BNC2: variants seen among roughly 807,000 people sequenced by gnomAD.
BNC2 encodes the protein basonuclin zinc finger protein 2, also known as zinc finger protein basonuclin-2.
Under a neutral mutation model 76.3 loss-of-function variants are expected in BNC2, and 20 were observed. The ratio of observed to expected loss-of-function variants is 0.26; its 90% CI spans 0.18 to 0.38. The LOEUF is 0.38. Among genes scored for constraint, BNC2 ranks in the 10% least tolerant of loss-of-function variants. The pLI is 1.00. For synonymous variants in BNC2, 582 were observed against 514.8 expected (o/e 1.13, Z -1.77); for missense variants, 1,382 against 1,399.8 (o/e 0.99, Z 0.20).
At chr9:16,598,559 C>T (rs953492336) in intron 3 of BNC2, among the ~76,000 whole-genome samples, 2 of 152,144 alleles carry the variant, frequency 1.3e-5, no homozygotes, top group Non-Finnish European at 2.9e-5. Flanking sequence ...CTCACCACTA[C>T]GGGGAAGAGA....
intron 3 of BNC2, among the ~76,000 whole-genome samples, chr9:16,685,385 C>G (rs143751774): frequency 1.3e-5 from 2 of 152,210 alleles, no homozygotes; most frequent in African/African-American, 4.8e-5. Context: ...ACAACGCATC[C>G]TGAAAAGGAC....
At chr9:16,675,952 C>T (rs927394887) in intron 3 of BNC2, among the ~76,000 whole-genome samples, 2 of 152,046 alleles carry the variant, frequency 1.3e-5, no homozygotes, top group Non-Finnish European at 2.9e-5. Flanking sequence ...GTAATCCCAG[C>T]TACTCAGGAG....
At chr9:16,677,241 T>G (rs1409594887) in intron 3 of BNC2, among the ~76,000 whole-genome samples, 2 of 152,164 alleles carry the variant, frequency 1.3e-5, no homozygotes, top group Non-Finnish European at 2.9e-5. Context: ...GAACTCATCT[T>G]TCTATACTAT....
At chr9:16,699,344 T>C (rs1823440459) in intron 3 of BNC2, 1 of 319,726 alleles carries the variant, frequency 3.1e-6, no homozygotes, top group Non-Finnish European at 6.1e-6. Context: ...AGTGCCTTGC[T>C]TCTGGGTTAC....
At chr9:16,653,647 T>C (rs555544475) in intron 3 of BNC2, among the ~76,000 whole-genome samples, 3 of 152,238 alleles carry the variant, frequency 2.0e-5, no homozygotes, top group African/African-American at 7.2e-5. Context: ...GAAGTGGACA[T>C]TGGCATATCT....
intron 4 of BNC2, among the ~76,000 whole-genome samples, chr9:16,555,241 T>C (rs1475923536): frequency 6.6e-6 from 1 of 151,680 alleles, no homozygotes; most frequent in East Asian, 1.9e-4. Context: ...GCCAGGATGG[T>C]CTCGATCTCC....
intron 3 of BNC2, among the ~76,000 whole-genome samples, chr9:16,658,451 C>T (rs1224508349): frequency 2.0e-5 from 3 of 152,106 alleles, no homozygotes; most frequent in Non-Finnish European, 4.4e-5. Flanking sequence ...CACACATTAC[C>T]CTGGTCAAAT....
intron 5 of BNC2, among the ~76,000 whole-genome samples, chr9:16,543,881 T>C (rs925326107): frequency 6.6e-6 from 1 of 152,140 alleles, no homozygotes; most frequent in African/African-American, 2.4e-5. Flanking sequence ...TGTAGAGTGG[T>C]CCAAGCACTT....
chr9:16,750,494 A>G (rs1473325269), intron 1 of BNC2, among the ~76,000 whole-genome samples: 3 of 152,216 alleles, frequency 2.0e-5, no homozygotes, highest in Non-Finnish European at 4.4e-5. Context: ...GACATCATCT[A>G]TACATTTGAC....
chr9:16,673,381 T>C (rs1381021752), intron 3 of BNC2, among the ~76,000 whole-genome samples: 5 of 133,134 alleles, frequency 3.8e-5, no homozygotes, highest in Middle Eastern at 3.7e-3. Flanking sequence ...CTAGGGTGAG[T>C]AGATGAATGA....
intron 3 of BNC2, among the ~76,000 whole-genome samples, chr9:16,619,959 T>C (rs1003972516): frequency 1.3e-5 from 2 of 152,154 alleles, no homozygotes; most frequent in Non-Finnish European, 2.9e-5. Context: ...GACATACAAG[T>C]CACAGAAAAA....
chr9:16,722,713 C>T (rs1824193481), intron 3 of BNC2, among the ~76,000 whole-genome samples: 1 of 152,160 alleles, frequency 6.6e-6, no homozygotes, highest in East Asian at 1.9e-4. Flanking sequence ...AGATTTTTAA[C>T]ATATACAAAA....
At chr9:16,588,230 T>C (rs1819826981) in intron 3 of BNC2, among the ~76,000 whole-genome samples, 1 of 152,226 alleles carries the variant, frequency 6.6e-6, no homozygotes, top group South Asian at 2.1e-4. Flanking sequence ...GACAACCATT[T>C]ATGGCCACAA....
chr9:16,418,598 G>A lies in BNC2; in HGVS notation c.*391C>T, dbSNP rs1820635428. 1.7e-5 allele frequency: 3 copies of A among 172,452 alleles called. No homozygotes were observed. The highest frequency in any genetic ancestry group is 4.8e-5 in the African/African-American group (2 of 41,596). The allele number at this position is 172,452 out of a possible 1,614,324, so 10.7% of individuals were successfully genotyped here. ...TTATTTTTGCAGGCAACAGTCATGG[G>A]TACAACAAATTGTCTCTTTGGGGAA... On this transcript the variant is annotated 3_prime_UTR_variant, in exon 7 of 7. Transcript: ENST00000380672.
At chr9:16,716,435 C>A (rs1351895558) in intron 3 of BNC2, among the ~76,000 whole-genome samples, 1 of 152,096 alleles carries the variant, frequency 6.6e-6, no homozygotes, top group African/African-American at 2.4e-5. Context: ...ACACAGTCAC[C>A]ATGCACTTCT....
chr9:16,458,635 A>AT, intron 5 of BNC2, among the ~76,000 whole-genome samples: 1 of 152,332 alleles, frequency 6.6e-6, no homozygotes, highest in African/African-American at 2.4e-5. Context: ...TACAAAAAAC[A>AT]TTTCCTACAG....
intron 1 of BNC2, among the ~76,000 whole-genome samples, chr9:16,800,499 G>T (rs1279292630): frequency 6.6e-6 from 1 of 151,908 alleles, no homozygotes; most frequent in Non-Finnish European, 1.5e-5. Flanking sequence ...AGACTTAAAT[G>T]CAACCAGTTA....
intron 3 of BNC2, among the ~76,000 whole-genome samples, chr9:16,606,572 A>G (rs1820391696): frequency 6.6e-6 from 1 of 150,950 alleles, no homozygotes; most frequent in South Asian, 2.1e-4. Flanking sequence ...TCACTCTTTC[A>G]CCCAGGCTGG....
intron 5 of BNC2, among the ~76,000 whole-genome samples, chr9:16,445,923 T>G (rs748837631): frequency 6.6e-6 from 1 of 152,224 alleles, no homozygotes; most frequent in East Asian, 1.9e-4. Context: ...ATTCTTCCTC[T>G]GCCCAAGGGG....
Sources: allele counts gnomAD v4.1 joint callset (sites outside exome capture counted in the v4.1 genomes callset), GRCh38; gene constraint gnomAD v4.1.1; transcripts MANE v1.5; gene names NCBI Gene and HGNC (gene_info 2026-07-23, HGNC 2026-07-21).